The following CDC45 variants were observed in gnomAD, a reference collection of about 807,000 sequenced individuals.
CDC45 encodes cell division cycle 45, also known as cell division control protein 45 homolog.
A neutral mutation model predicts 77.8 loss-of-function variants in CDC45; 54 were observed. That is an observed-to-expected ratio of 0.69 (90% CI 0.56 to 0.87). The LOEUF (loss-of-function observed/expected upper bound fraction) is 0.87, where lower values mean the gene tolerates loss of function less well. Ranked by LOEUF, CDC45 falls within the 40% of genes least tolerant of loss-of-function variation. The pLI is 0.00. For missense variants in CDC45, 649 were observed against 721.6 expected, an observed-to-expected ratio of 0.90 and a Z score of 1.15; for synonymous variants, 260 against 272.1, an observed-to-expected ratio of 0.96 and a Z score of 0.44.
At chr22:19,503,034 G>A (rs1278448389) in intron 9 of CDC45, among the ~76,000 whole-genome samples, 1 of 152,114 alleles carries the variant, frequency 6.6e-6, no homozygotes, top group African/African-American at 2.4e-5. Context: ...GGGCATGGTG[G>A]TGCATGCCTG....
At chr22:19,507,336 T>G in intron 10 of CDC45, 50 bp from the exon 11 acceptor site, 1 of 1,595,814 alleles carries the variant, frequency 6.3e-7, no homozygotes. Flanking sequence ...GTTACGAGAG[T>G]GCTCAGGGCG....
intron 5 of CDC45, among the ~76,000 whole-genome samples, chr22:19,484,263 C>T (rs1008937943): frequency 1.2e-4 from 19 of 152,218 alleles, no homozygotes; most frequent in African/African-American, 4.6e-4. Context: ...CTCAGCTCTG[C>T]GGCTAGATAG....
chr22:19,505,255 T>C, intron 9 of CDC45, 107 bp from the exon 10 acceptor site: 2 of 1,322,362 alleles, frequency 1.5e-6, no homozygotes, highest in Non-Finnish European at 1.1e-6. Flanking sequence ...GCTCCTGTGG[T>C]GAGCAGGCCC....
Position 19,516,577 on chromosome 22 carries a change from G to A in CDC45, c.1491G>A (p.Leu497=). ...KLLPLVMAAP[L]SMEHGTVTVV... is the part of the protein sequence containing the mutation. The stretch of plus-strand genomic sequence containing the variant: ...TGCCCCTGGTGATGGCTGCCCCCCT[G>A]AGCATGGAGCATGGCACAGTGACCG... Residue 497 remains leucine (L), a synonymous_variant, in exon 16 of 19, where the codon CTG becomes CTA. Transcript: ENST00000263201. 6.2e-7 allele frequency: 1 copy of A among 1,614,082 alleles called. No homozygotes were observed. Among genetic ancestry groups the A allele is most frequent in the South Asian group, 1.1e-5 (1 of 91,078 alleles).
intron 9 of CDC45, among the ~76,000 whole-genome samples, chr22:19,500,369 A>G (rs2090318975): frequency 6.6e-6 from 1 of 152,112 alleles, no homozygotes; most frequent in Admixed American, 6.6e-5. Context: ...AATGAAAATG[A>G]ACCCAGCTCG....
At chr22:19,486,929 G>A (rs1437353680) in intron 5 of CDC45, among the ~76,000 whole-genome samples, 1 of 152,000 alleles carries the variant, frequency 6.6e-6, no homozygotes, top group East Asian at 2.0e-4. Flanking sequence ...TCCCACCTTG[G>A]CCTCCCAAAG....
intron 5 of CDC45, among the ~76,000 whole-genome samples, chr22:19,487,470 C>T (rs1207436930): frequency 3.4e-5 from 5 of 145,528 alleles, no homozygotes; most frequent in African/African-American, 5.1e-5. Flanking sequence ...GTTGAGGCTG[C>T]AGTGATCCAT....
In CDC45 at chr22:19,520,239, C is replaced by T. The variant is rs571257914; in HGVS notation, c.*2-242C>T. The stretch of plus-strand genomic sequence containing the variant: ...CCAGGGGGCTGGCTGAGCAGCTGGG[C>T]GGGGTCCGTGAGGTAAGAAGGTGCC... On this transcript the variant is annotated intron_variant, in intron 18 of 18. Transcript: ENST00000263201. This position sits in a 1 kb window ranked among gnomAD's most constrained non-coding sequence, Gnocchi z 4.5. Among the ~76,000 whole-genome samples the T allele has an allele frequency of 3.9e-4, 59 of 152,074 alleles. No homozygotes were observed. Among genetic ancestry groups the T allele is most frequent in the Admixed American group, 7.2e-4 (11 of 15,280 alleles).
At position 19,514,731 on chromosome 22, in the gene CDC45, G is replaced by A. The variant is rs762022907; in HGVS notation, c.1218-18G>A. 1 of 1,578,266 alleles carries A rather than the reference G, an allele frequency of 6.3e-7. No individual in the cohort carries two copies. The highest frequency in any genetic ancestry group is 1.2e-5 in the South Asian group (1 of 84,798). ...TCCTGACAAGCACCACCAAAGCCAT[G>A]TGTCTGCCCTGTTACAGGAGTAACC... is the stretch of plus-strand genomic sequence containing the variant. On this transcript the variant is annotated intron_variant, in intron 13 of 18. Transcript: ENST00000263201.
intron 9 of CDC45, among the ~76,000 whole-genome samples, chr22:19,500,965 T>G (rs1304827527): frequency 1.3e-5 from 2 of 152,050 alleles, no homozygotes; most frequent in Non-Finnish European, 2.9e-5. Flanking sequence ...TCACCTGAGG[T>G]CAGGAGTTCG....
intron 9 of CDC45, among the ~76,000 whole-genome samples, chr22:19,502,419 A>G (rs929540578): frequency 2.6e-5 from 4 of 152,244 alleles, no homozygotes; most frequent in African/African-American, 9.6e-5. Context: ...GTTTATGAGC[A>G]CTCATTTATT....
intron 13 of CDC45, among the ~76,000 whole-genome samples, chr22:19,513,228 A>G (rs1360438759): frequency 6.6e-6 from 1 of 152,248 alleles, no homozygotes; most frequent in Admixed American, 6.5e-5. Context: ...AGTGCTGCTC[A>G]GTACTTTCTG....
chr22:19,495,676 G>A (rs1029318241), intron 6 of CDC45, among the ~76,000 whole-genome samples: 2 of 152,150 alleles, frequency 1.3e-5, no homozygotes, highest in Non-Finnish European at 2.9e-5. Flanking sequence ...TTTAAAATTA[G>A]CTGGGTGTAG....
At chr22:19,512,179 C>T (rs1487811567) in intron 13 of CDC45, among the ~76,000 whole-genome samples, 2 of 152,152 alleles carry the variant, frequency 1.3e-5, no homozygotes, top group Non-Finnish European at 2.9e-5. Flanking sequence ...ACCAGGCTCC[C>T]TTGCTGTTTA....
Position 19,514,868 on chromosome 22 carries a change from T to C in CDC45, c.1337T>C (p.Leu446Pro), listed in dbSNP as rs773343773. 1 of 1,614,228 alleles carries C rather than the reference T, an allele frequency of 6.2e-7. No individual in the cohort carries two copies. The highest frequency in any genetic ancestry group is 8.5e-7 in the Non-Finnish European group (1 of 1,180,044). The change falls in exon 14 of 19, where the codon CTG becomes CCG. Residue 446 changes from leucine (L) to proline (P), a missense_variant. Transcript: ENST00000263201. ...CTCGTCATCTCCCAGGGGCCTTTCC[T>C]GTACTGCTCTCTCATGGAGGTCAGG... is the stretch of plus-strand genomic sequence containing the variant. ...TNLVISQGPFLYCSLMEGTPD... is the reference protein window; with the variant it reads ...TNLVISQGPFPYCSLMEGTPD...
At chr22:19,507,562 C>T (rs1175450163) in intron 11 of CDC45, 45 bp downstream of exon 11, 2 of 1,609,856 alleles carry the variant, frequency 1.2e-6, no homozygotes, top group Non-Finnish European at 1.7e-6. Context: ...CTGGCCACCC[C>T]CAAGGGAAAA....
intron 15 of CDC45, among the ~76,000 whole-genome samples, chr22:19,515,772 G>A (rs1446663768): frequency 6.6e-6 from 1 of 152,178 alleles, no homozygotes; most frequent in Non-Finnish European, 1.5e-5. Flanking sequence ...TTTGCCAGTT[G>A]TGTGACGTGA....
chr22:19,507,672 C>A, intron 11 of CDC45, 94 bp from the exon 12 acceptor site: 1 of 1,329,808 alleles, frequency 7.5e-7, no homozygotes, highest in Non-Finnish European at 1.1e-6. Flanking sequence ...AATGCTGGTG[C>A]GGGGACATCC....
At chr22:19,517,875 C>CCGTTCAGCT (rs1933886376) in intron 17 of CDC45, among the ~76,000 whole-genome samples, 1 of 152,222 alleles carries the variant, frequency 6.6e-6, no homozygotes, top group Non-Finnish European at 1.5e-5. Context: ...GTGGGGGAGA[C>CCGTTCAGCT]CGTTCAGCTC....
Sources: allele counts gnomAD v4.1 joint callset (sites outside exome capture counted in the v4.1 genomes callset), GRCh38; gene constraint gnomAD v4.1.1; non-coding constraint Gnocchi (gnomAD v3.1); transcripts MANE v1.5; gene names NCBI Gene and HGNC (gene_info 2026-07-23, HGNC 2026-07-21).